Variants in INSR observed in about 807,000 individuals in gnomAD.
The protein encoded by INSR is insulin receptor.
A neutral mutation model predicts 142.6 loss-of-function variants in INSR; 67 were observed. That is an observed-to-expected ratio of 0.47 (90% CI 0.39 to 0.58). INSR has a LOEUF of 0.58. Ranked by LOEUF, INSR falls within the 20% of genes least tolerant of loss-of-function variation. The probability of loss-of-function intolerance (pLI) is 0.00; values close to 1 mark genes in which losing one functional copy is unlikely to be tolerated. For synonymous variants in INSR, 756 were observed against 743.1 expected, an observed-to-expected ratio of 1.02 and a Z score of -0.28; for missense variants, 1,248 against 1,833.2, an observed-to-expected ratio of 0.68 and a Z score of 5.83.
intron 4 of INSR, among the ~76,000 whole-genome samples, chr19:7,172,721 C>A (rs999975863): frequency 2.6e-5 from 4 of 152,052 alleles, no homozygotes; most frequent in African/African-American, 9.7e-5. Context: ...CTTTCCCATA[C>A]CAGAGACTTC....
intron 2 of INSR, among the ~76,000 whole-genome samples, chr19:7,259,106 T>TCCTTCCTTCCTTCTTC (rs1976983149): frequency 7.2e-6 from 1 of 139,684 alleles, no homozygotes; most frequent in African/African-American, 2.7e-5. Flanking sequence ...CCTCCTTCCT[T>TCCTTCCTTCCTTCTTC]CCTTCCTTTC....
intron 1 of INSR, among the ~76,000 whole-genome samples, chr19:7,272,174 C>T (rs1159686068): frequency 1.3e-5 from 2 of 151,994 alleles, no homozygotes; most frequent in Admixed American, 6.6e-5. Context: ...GGCATGGTGG[C>T]GAGTGCCTGT....
intron 2 of INSR, among the ~76,000 whole-genome samples, chr19:7,230,405 T>A (rs1381823825): frequency 1.3e-5 from 2 of 152,162 alleles, no homozygotes; most frequent in African/African-American, 4.8e-5. Flanking sequence ...AACTTCTCCC[T>A]CTGCAAATTA....
At chr19:7,175,534 CAATTAAAAA>C (rs1313239953) in intron 3 of INSR, among the ~76,000 whole-genome samples, 5 of 152,024 alleles carry the variant, frequency 3.3e-5, no homozygotes, top group African/African-American at 1.2e-4. Flanking sequence ...CAAGTTGTGG[CAATTAAAAA>C]TGTCCTCCAG....
intron 2 of INSR, among the ~76,000 whole-genome samples, chr19:7,251,263 T>C (rs1976717949): frequency 6.6e-6 from 1 of 151,966 alleles, no homozygotes. Flanking sequence ...TTTATTTTAT[T>C]GTGTTAATTT....
At chr19:7,269,786 A>C (rs890929613) in intron 1 of INSR, among the ~76,000 whole-genome samples, 54 of 152,250 alleles carry the variant, frequency 3.5e-4, no homozygotes, top group African/African-American at 1.3e-3. Flanking sequence ...CACACAACTC[A>C]CCAGTGACTG....
chr19:7,224,298 A>G (rs985157444), intron 2 of INSR, among the ~76,000 whole-genome samples: 2 of 147,746 alleles, frequency 1.4e-5, no homozygotes, highest in East Asian at 4.0e-4. Context: ...AAACCAGCTC[A>G]TGCAAATCTC....
At chr19:7,266,443 T>C (rs1382208995) in intron 2 of INSR, among the ~76,000 whole-genome samples, 2 of 149,474 alleles carry the variant, frequency 1.3e-5, no homozygotes, top group Non-Finnish European at 3.0e-5. Flanking sequence ...TGGAGTGCAA[T>C]GGCACAATCT....
At position 7,166,991 on chromosome 19, in the gene INSR, G is replaced by A. The variant is rs1599935915; in HGVS notation, c.1611-587C>T. Among the ~76,000 whole-genome samples the A allele has an allele frequency of 6.6e-6, 1 of 152,050 alleles. No individual in the cohort carries two copies. Among genetic ancestry groups the A allele is most frequent in the Non-Finnish European group, 1.5e-5 (1 of 68,024 alleles). ...TGTTTTGGATTTTGGATATTTTGGG[G>A]TTTTGAAATATTTGCATTTTACTAG... On this transcript the variant is annotated intron_variant, in intron 7 of 21. Coordinates refer to ENST00000302850, the MANE Select transcript of INSR (RefSeq NM_000208.4). This position sits in a 1 kb window ranked among gnomAD's most constrained non-coding sequence, Gnocchi z 4.1.
chr19:7,275,830 A>C (rs1037630430), intron 1 of INSR, among the ~76,000 whole-genome samples: 97 of 151,936 alleles, frequency 6.4e-4, no homozygotes, highest in Admixed American at 1.1e-3. Context: ...CACAACTTCC[A>C]GGGCTCAAGA....
Position 7,159,318 on chromosome 19 carries a change from G to A in INSR, c.2029+3714C>T, listed in dbSNP as rs867692870. The A allele has an allele frequency of 1.3e-5, 2 of 152,120 alleles. No homozygotes were observed. The highest frequency in any genetic ancestry group is 2.9e-5 in the Non-Finnish European group (2 of 68,126). The allele number at this position is 152,120 out of a possible 1,614,324, so 9.4% of individuals were successfully genotyped here. On this transcript the variant is annotated intron_variant, in intron 9 of 21. Transcript: ENST00000302850. The surrounding 1 kb of genome is among the most constrained non-coding windows in gnomAD (Gnocchi z 4.3). ...TCTCATCTTCCCAAACTGAAACTCT[G>A]TCCTCAACCCGTCCCCTCCGCAGTC...
intron 2 of INSR, among the ~76,000 whole-genome samples, chr19:7,230,827 A>T (rs976103546): frequency 4.6e-5 from 7 of 151,574 alleles, no homozygotes; most frequent in Admixed American, 6.6e-5. Context: ...AAAAATAAAA[A>T]ATATTAGCTC....
chr19:7,289,648 C>T (rs532339546), intron 1 of INSR, among the ~76,000 whole-genome samples: 5 of 152,002 alleles, frequency 3.3e-5, no homozygotes, highest in Admixed American at 2.0e-4. Flanking sequence ...TCAGGGGATC[C>T]GCCCACCTCA....
intron 9 of INSR, among the ~76,000 whole-genome samples, chr19:7,158,256 G>A (rs375690189): frequency 4.0e-5 from 6 of 151,786 alleles, no homozygotes; most frequent in Admixed American, 2.6e-4. Flanking sequence ...ATCCCAGCAC[G>A]TTGGGAGGCC....
chr19:7,250,316 A>G (rs555656349), intron 2 of INSR, among the ~76,000 whole-genome samples: 1 of 148,372 alleles, frequency 6.7e-6, no homozygotes, highest in Non-Finnish European at 1.5e-5. Context: ...GGGGAGAAAA[A>G]TGAAAGGAAG....
At chr19:7,211,693 G>C (rs889888139) in intron 2 of INSR, among the ~76,000 whole-genome samples, 6 of 152,174 alleles carry the variant, frequency 3.9e-5, no homozygotes, top group Non-Finnish European at 5.9e-5. Context: ...TACTCCCACA[G>C]ACTGAAAGCT....
Position 7,184,301 on chromosome 19 carries a change from A to C in INSR, c.974+15T>G, listed in dbSNP as rs1974359432. ...CTCCTCTCGGCTGCCCCCCAGACCC[A>C]CATCCAGAACTCACTTGCTGGAATT... is the stretch of plus-strand genomic sequence containing the variant. On this transcript the variant is annotated intron_variant, in intron 3 of 21. Coordinates refer to ENST00000302850, the MANE Select transcript of INSR (RefSeq NM_000208.4). 1.2e-6 allele frequency: 2 copies of C among 1,612,040 alleles called. No homozygotes were observed. Among genetic ancestry groups the C allele is most frequent in the South Asian group, 1.1e-5 (1 of 90,940 alleles).
chr19:7,194,509 T>C (rs1325927248), intron 2 of INSR, among the ~76,000 whole-genome samples: 2 of 11,662 alleles, frequency 1.7e-4, no homozygotes, highest in Non-Finnish European at 3.7e-4. Flanking sequence ...ATAGCTTTGC[T>C]TTTTTTTTTT....
chr19:7,279,871 A>C (rs1260947926), intron 1 of INSR, among the ~76,000 whole-genome samples: 1 of 151,260 alleles, frequency 6.6e-6, no homozygotes, highest in Non-Finnish European at 1.5e-5. Context: ...GCTACTCGGG[A>C]GGTTGAGGAT....
Sources: allele counts gnomAD v4.1 joint callset (sites outside exome capture counted in the v4.1 genomes callset), GRCh38; gene constraint gnomAD v4.1.1; non-coding constraint Gnocchi (gnomAD v3.1); transcripts MANE v1.5; gene names NCBI Gene and HGNC (gene_info 2026-07-23, HGNC 2026-07-21).